The following NELL1 variants were observed in gnomAD, a reference collection of about 807,000 sequenced individuals.
NELL1 encodes neural EGFL like 1.
In NELL1, 76 loss-of-function variants were observed where a neutral mutation model predicts 107.4. That is an observed-to-expected ratio of 0.71 (90% CI 0.59 to 0.86). The LOEUF (loss-of-function observed/expected upper bound fraction) is 0.86. Ranked by LOEUF, NELL1 falls within the 40% of genes least tolerant of loss-of-function variation. NELL1 has a pLI of 0.00. For synonymous variants in NELL1, 353 were observed against 341.2 expected (o/e 1.03, Z -0.38); for missense variants, 1,024 against 1,005.5 (o/e 1.02, Z -0.25).
chr11:20,966,117 A>T (rs1218146982), intron 12 of NELL1, among the ~76,000 whole-genome samples: 1 of 152,166 alleles, frequency 6.6e-6, no homozygotes, highest in Non-Finnish European at 1.5e-5. Flanking sequence ...TAGTTCGTTC[A>T]TGCCGCTGTA....
chr11:21,274,631 T>C (rs1339753130), intron 14 of NELL1, among the ~76,000 whole-genome samples: 2 of 152,300 alleles, frequency 1.3e-5, no homozygotes, highest in South Asian at 2.1e-4. Flanking sequence ...TATTCCAAAA[T>C]TGACCACTTA....
At chr11:20,739,184 A>G (rs1855830880) in intron 2 of NELL1, among the ~76,000 whole-genome samples, 1 of 152,254 alleles carries the variant, frequency 6.6e-6, no homozygotes, top group Non-Finnish European at 1.5e-5. Context: ...GACAAAGAGC[A>G]GGGAACACGG....
chr11:20,859,130 A>T lies in NELL1; in HGVS notation c.506+11377A>T, dbSNP rs188898220. On this transcript the variant is annotated intron_variant, in intron 4 of 19. Transcript: ENST00000357134. ...CTACACTGAAGTGACCAAAGTCTCA[A>T]ACTGTTGGATCTGCACCACCCTTCC... Among the ~76,000 whole-genome samples the T allele has an allele frequency of 1.7e-3, 262 of 152,276 alleles. 1 individual carries two copies. The highest frequency in any genetic ancestry group is 6.1e-3 in the African/African-American group (252 of 41,548).
At chr11:20,857,539 G>A (rs1337376032) in intron 4 of NELL1, among the ~76,000 whole-genome samples, 5 of 152,184 alleles carry the variant, frequency 3.3e-5, no homozygotes, top group African/African-American at 1.2e-4. Context: ...GAGAGGCAGT[G>A]GGCAGGTCTC....
chr11:20,737,486 A>C (rs1264560468), intron 2 of NELL1, among the ~76,000 whole-genome samples: 4 of 152,308 alleles, frequency 2.6e-5, no homozygotes, highest in Admixed American at 1.3e-4. Flanking sequence ...ATGCTCAAAA[A>C]GAATGTGACC....
chr11:20,900,789 A>G (rs990947312), intron 5 of NELL1, among the ~76,000 whole-genome samples: 9 of 152,114 alleles, frequency 5.9e-5, no homozygotes, highest in African/African-American at 2.2e-4. Flanking sequence ...GTGAGAGAGA[A>G]CAAGTTGATT....
chr11:20,825,417 A>G (rs1458817964), intron 3 of NELL1, among the ~76,000 whole-genome samples: 2 of 151,394 alleles, frequency 1.3e-5, no homozygotes, highest in African/African-American at 4.8e-5. Flanking sequence ...AGCAGCTGGG[A>G]AGGGAACTGT....
intron 15 of NELL1, among the ~76,000 whole-genome samples, chr11:21,422,441 T>A (rs1337099356): frequency 6.6e-6 from 1 of 152,152 alleles, no homozygotes; most frequent in African/African-American, 2.4e-5. Flanking sequence ...AACTTTGGTT[T>A]TAGACATAAT....
intron 15 of NELL1, among the ~76,000 whole-genome samples, chr11:21,445,261 C>G (rs888915462): frequency 6.6e-6 from 1 of 151,992 alleles, no homozygotes; most frequent in African/African-American, 2.4e-5. Context: ...TACTGCTATA[C>G]CAGTGAGTTG....
In NELL1 at chr11:21,336,674, T is replaced by TATATATATACAC. The variant is rs55720144; in HGVS notation, c.1550-34178_1550-34177insTATATATACACA. 2.1e-3 allele frequency among the ~76,000 whole-genome samples: 271 copies of TATATATATACAC among 130,432 alleles called. 3 individuals carry two copies. The highest frequency in any genetic ancestry group is 7.4e-3 in the African/African-American group (256 of 34,812). The allele number at this position is 130,432 out of a possible 152,430, so 85.6% of individuals were successfully genotyped here. ...GTGTATATATATATATATATATATA[T>TATATATATACAC]ACACACACACACACACATTAAACAG... is the stretch of plus-strand genomic sequence containing the variant. On this transcript the variant is annotated intron_variant, in intron 14 of 19. Transcript: ENST00000357134.
intron 12 of NELL1, among the ~76,000 whole-genome samples, chr11:21,016,396 G>A (rs976601189): frequency 6.6e-6 from 1 of 152,044 alleles, no homozygotes; most frequent in African/African-American, 2.4e-5. Flanking sequence ...CATACAGTCA[G>A]TAGCTCCCCA....
rs183091005 is a variant in NELL1 at position 20,748,169 on chromosome 11, T to C, written c.185-35511T>C. The stretch of plus-strand genomic sequence containing the variant: ...GAAACCCAGTATTCCCTTAATGACT[T>C]AGTGTTGCACCTAGGATAGACCACC... On this transcript the variant is annotated intron_variant, in intron 2 of 19. Transcript: ENST00000357134. Among the ~76,000 whole-genome samples the C allele has an allele frequency of 2.2e-4, 34 of 152,260 alleles. No homozygotes were observed. The East Asian group carries it at 6.6e-3, about 29-fold the overall frequency.
chr11:21,110,004 C>CTTTT (rs1447708870), intron 12 of NELL1, among the ~76,000 whole-genome samples: 3 of 152,022 alleles, frequency 2.0e-5, no homozygotes, highest in Non-Finnish European at 4.4e-5. Flanking sequence ...TTCTTTCTTT[C>CTTTT]TTTTATCTTC....
chr11:20,784,943 G>A (rs1012131477), intron 3 of NELL1, among the ~76,000 whole-genome samples: 2 of 152,188 alleles, frequency 1.3e-5, no homozygotes, highest in African/African-American at 4.8e-5. Context: ...ATGAAGTATG[G>A]AGCTAATTTC....
intron 15 of NELL1, among the ~76,000 whole-genome samples, chr11:21,497,241 G>A (rs1855005542): frequency 6.6e-6 from 1 of 151,870 alleles, no homozygotes; most frequent in Non-Finnish European, 1.5e-5. Context: ...CACCAACATG[G>A]CACATGTATA....
rs1848528476 is a variant in NELL1 at position 21,261,400 on chromosome 11, G to T, written c.1549+31946G>T. ...TGTGTTGTTCCCCTCTACATGTCCT[G>T]TTGCTTTAGTTTTATTTCTTTTATT... is the stretch of plus-strand genomic sequence containing the variant. On this transcript the variant is annotated intron_variant, in intron 14 of 19. Coordinates refer to ENST00000357134, the MANE Select transcript of NELL1 (RefSeq NM_006157.5). 2.0e-5 allele frequency among the ~76,000 whole-genome samples: 3 copies of T among 151,532 alleles called. No individual in the cohort carries two copies. In the Admixed American group the frequency reaches 2.0e-4, roughly 10 times the overall value.
intron 10 of NELL1, among the ~76,000 whole-genome samples, chr11:20,941,195 G>A (rs1248521532): frequency 6.6e-6 from 1 of 152,118 alleles, no homozygotes; most frequent in Non-Finnish European, 1.5e-5. Context: ...ATAATGGGAA[G>A]TTACTAAACT....
At chr11:21,014,452 C>A (rs188572388) in intron 12 of NELL1, among the ~76,000 whole-genome samples, 2 of 152,224 alleles carry the variant, frequency 1.3e-5, no homozygotes, top group Non-Finnish European at 2.9e-5. Context: ...ACTTTCTCAG[C>A]CCAGTAATGC....
At chr11:20,843,928 AG>A (rs1299657042) in intron 3 of NELL1, among the ~76,000 whole-genome samples, 1 of 152,098 alleles carries the variant, frequency 6.6e-6, no homozygotes, top group Non-Finnish European at 1.5e-5. Flanking sequence ...GATTCTGGGT[AG>A]GGTCTACCTT....
Sources: gnomAD v4.1 joint callset for allele counts (sites outside exome capture counted in the v4.1 genomes callset) on GRCh38, gnomAD v4.1.1 for gene constraint, MANE v1.5 for transcripts, NCBI Gene and HGNC (gene_info 2026-07-23, HGNC 2026-07-21) for gene names.